The following FRS2 variants were observed in gnomAD, a reference collection of about 807,000 sequenced individuals.
The protein encoded by FRS2 is FGFR signalling adaptor.
In FRS2, 8 loss-of-function variants were observed where a neutral mutation model predicts 43.9. The observed-to-expected ratio is 0.18, with a 90% CI of 0.11 to 0.33. FRS2 has a LOEUF of 0.33. FRS2 is among the 10% of genes least tolerant of loss of function. FRS2 has a pLI of 1.00. For synonymous variants in FRS2, 219 were observed against 220.3 expected, an observed-to-expected ratio of 0.99 and a Z score of 0.05; for missense variants, 534 against 627.6, an observed-to-expected ratio of 0.85 and a Z score of 1.59.
At chr12:69,499,401 C>A (rs898956215) in intron 1 of FRS2, among the ~76,000 whole-genome samples, 1 of 151,946 alleles carries the variant, frequency 6.6e-6, no homozygotes, top group African/African-American at 2.4e-5. Context: ...AGAAAACATA[C>A]AAAGTTACAG....
chr12:69,477,533 C>T (rs1419866925), intron 1 of FRS2, among the ~76,000 whole-genome samples: 8 of 151,244 alleles, frequency 5.3e-5, no homozygotes, highest in East Asian at 1.9e-4. Context: ...CTGCCTGCCT[C>T]GGCCTCCCAA....
intron 1 of FRS2, among the ~76,000 whole-genome samples, chr12:69,494,387 A>G (rs1342780954): frequency 3.9e-5 from 6 of 152,164 alleles, no homozygotes; most frequent in African/African-American, 9.7e-5. Flanking sequence ...CCTCCTAGCA[A>G]TCTTTCAGTA....
intron 1 of FRS2, among the ~76,000 whole-genome samples, chr12:69,509,187 A>AT (rs1438036542): frequency 2.6e-5 from 4 of 151,862 alleles, no homozygotes; most frequent in Non-Finnish European, 5.9e-5. Context: ...TCAGTAAGAC[A>AT]TTTTGTCTTG....
In FRS2 at chr12:69,574,207, A is replaced by G. The variant is rs758881150; in HGVS notation, c.779A>G (p.Lys260Arg). ...KFVLGPTPVQ[K>R]QLMEKEKLEQ... ...GTTTTAGGGCCAACCCCTGTTCAAA[A>G]GCAGTTAATGGAAAAAGAGAAACTG... Residue 260 changes from lysine (K) to arginine (R), a missense_variant, in exon 9 of 9, where the codon AAG (lysine) becomes AGG (arginine). Physicochemically the swap from Lys to Arg is conservative, Grantham distance 26. Coordinates refer to ENST00000549921, the MANE Select transcript of FRS2 (RefSeq NM_001278356.2). The G allele has an allele frequency of 1.9e-6, 3 of 1,614,236 alleles. No individual in the cohort carries two copies. The Admixed American group carries it at 5.0e-5, about 27-fold the overall frequency.
rs147195769 is a variant in FRS2, at chr12:69,556,325, TTTTC to T, written c.-121-5835_-121-5832del. On this transcript the variant is annotated intron_variant, in intron 3 of 8. Coordinates refer to ENST00000549921, the MANE Select transcript of FRS2 (RefSeq NM_001278356.2). The stretch of plus-strand genomic sequence containing the variant: ...TTTTGAAAAATATCTTTTAATTTAC[TTTTC>T]TTTCTTTCTTTCTTTCTTTTTTTTT... Among the ~76,000 whole-genome samples, 1,122 of 150,734 alleles carry T rather than the reference TTTTC, an allele frequency of 7.4e-3. 14 individuals carry two copies. The highest frequency in any genetic ancestry group is 0.025 in the African/African-American group (1,040 of 41,282).
intron 1 of FRS2, among the ~76,000 whole-genome samples, chr12:69,505,820 C>T (rs1352612069): frequency 1.3e-5 from 2 of 152,296 alleles, no homozygotes; most frequent in South Asian, 4.1e-4. Context: ...GATTGGACCT[C>T]ATTTTGTGAT....
intron 1 of FRS2, among the ~76,000 whole-genome samples, chr12:69,492,646 G>C (rs987743020): frequency 1.1e-4 from 16 of 152,150 alleles, no homozygotes; most frequent in African/African-American, 3.6e-4. Context: ...TTGGGAGAGA[G>C]GATAGCTTGG....
At position 69,570,425 on chromosome 12, in the gene FRS2, C is replaced by T; in HGVS notation, c.161C>T (p.Ser54Leu). The change falls in exon 6 of 9, where the codon TCA becomes TTA. Residue 54 changes from serine to leucine, a missense_variant. Physicochemically the swap from Ser to Leu is moderately radical, Grantham distance 145. Transcript: ENST00000549921. ...ATTTTATACACCCGCAAACGTGACT[C>T]AGTAAAATGGCACTACCTCTGCCTG... ...ELILYTRKRDSVKWHYLCLRR... is the reference protein window; with the variant it reads ...ELILYTRKRDLVKWHYLCLRR... 6.2e-7 allele frequency: 1 copy of T among 1,612,178 alleles called. No individual in the cohort carries two copies. Among genetic ancestry groups the T allele is most frequent in the East Asian group, 2.2e-5 (1 of 44,862 alleles).
intron 1 of FRS2, among the ~76,000 whole-genome samples, chr12:69,503,294 C>T (rs911926771): frequency 6.6e-6 from 1 of 152,122 alleles, no homozygotes; most frequent in African/African-American, 2.4e-5. Context: ...AATCTCTCAC[C>T]GACCAGTCTC....
chr12:69,507,033 A>C (rs1213542778), intron 1 of FRS2, among the ~76,000 whole-genome samples: 9 of 152,066 alleles, frequency 5.9e-5, no homozygotes, highest in Non-Finnish European at 8.8e-5. Flanking sequence ...GAGAGACCCC[A>C]CCAGCCAAGA....
chr12:69,494,745 T>A (rs1872732655), intron 1 of FRS2, among the ~76,000 whole-genome samples: 2 of 152,182 alleles, frequency 1.3e-5, no homozygotes, highest in Admixed American at 1.3e-4. Flanking sequence ...TAAGTTCTCC[T>A]GTGCTATAGC....
In FRS2 at chr12:69,569,003, A is replaced by T; in HGVS notation, c.-26-2A>T. The T allele has an allele frequency of 1.3e-6, 2 of 1,497,890 alleles. No individual in the cohort carries two copies. Among genetic ancestry groups the T allele is most frequent in the Non-Finnish European group, 1.8e-6 (2 of 1,089,476 alleles). The allele number at this position is 1,497,890 out of a possible 1,614,324, so 92.8% of individuals were successfully genotyped here. A position where few individuals can be genotyped will look rare whatever the true frequency, so the allele number is the denominator to read the frequency against. On this transcript the variant is annotated splice_acceptor_variant, in intron 4 of 8. Transcript: ENST00000549921. LOFTEE classifies it low-confidence loss of function (5UTR_SPLICE). Reference sequence around the variant, plus strand: ...AATTTTTCCAAATTATTTTTCATGTAGTGCACACATGGTCTTCTGAAGAAG... The same window carrying T: ...AATTTTTCCAAATTATTTTTCATGTTGTGCACACATGGTCTTCTGAAGAAG...
intron 3 of FRS2, chr12:69,557,980 T>A (rs1356829999): frequency 6.6e-6 from 1 of 151,560 alleles, no homozygotes; most frequent in East Asian, 1.9e-4. Context: ...CAAAATTGTT[T>A]TATATATATG....
At chr12:69,568,955 GTT>G (rs1483989865) in intron 4 of FRS2, 48 bp from the exon 5 acceptor site, 3 of 887,364 alleles carry the variant, frequency 3.4e-6, no homozygotes, top group Non-Finnish European at 3.6e-6. Flanking sequence ...TCTGTTTACA[GTT>G]TTTGTATCCT....
intron 1 of FRS2, among the ~76,000 whole-genome samples, chr12:69,485,206 G>A (rs1014727287): frequency 4.1e-5 from 6 of 146,528 alleles, no homozygotes; most frequent in Admixed American, 6.9e-5. Context: ...TTTTTGAGAC[G>A]GAGTCTCGCT....
intron 4 of FRS2, among the ~76,000 whole-genome samples, chr12:69,564,219 T>C (rs1215258309): frequency 2.6e-5 from 4 of 151,892 alleles, no homozygotes; most frequent in Non-Finnish European, 5.9e-5. Context: ...GATGCTTACT[T>C]TTCTTAGTTT....
intron 3 of FRS2, among the ~76,000 whole-genome samples, chr12:69,556,672 A>G (rs950028550): frequency 8.5e-5 from 13 of 152,208 alleles, no homozygotes; most frequent in Non-Finnish European, 2.9e-5. Flanking sequence ...GTTCTAGGTT[A>G]AAGTATCATA....
intron 3 of FRS2, among the ~76,000 whole-genome samples, chr12:69,552,719 C>T (rs1459056158): frequency 1.3e-5 from 2 of 152,076 alleles, no homozygotes; most frequent in African/African-American, 4.8e-5. Context: ...TAGTGCAACC[C>T]TGTCTCTACT....
At chr12:69,520,838 G>T (rs766233369) in intron 1 of FRS2, among the ~76,000 whole-genome samples, 2 of 152,170 alleles carry the variant, frequency 1.3e-5, no homozygotes, top group Non-Finnish European at 2.9e-5. Flanking sequence ...GTAATTTGAA[G>T]TCAGGTAGCA....
Sources: gnomAD v4.1 joint callset for allele counts (sites outside exome capture counted in the v4.1 genomes callset) on GRCh38, gnomAD v4.1.1 for gene constraint, MANE v1.5 for transcripts, NCBI Gene and HGNC (gene_info 2026-07-23, HGNC 2026-07-21) for gene names.